GNE: variants seen among roughly 807,000 people sequenced by gnomAD.
The protein encoded by GNE is glucosamine (UDP-N-acetyl)-2-epimerase/N-acetylmannosamine kinase, also known as bifunctional UDP-N-acetylglucosamine 2-epimerase/N-acetylmannosamine kinase.
In GNE, 41 loss-of-function variants were observed where a neutral mutation model predicts 61.8. The ratio of observed to expected loss-of-function variants is 0.66; its 90% CI spans 0.52 to 0.86. The LOEUF (loss-of-function observed/expected upper bound fraction) is 0.86. Ranked by LOEUF, GNE falls within the 40% of genes least tolerant of loss-of-function variation. The probability of loss-of-function intolerance (pLI) is 0.00; values close to 1 mark genes in which losing one functional copy is unlikely to be tolerated. For synonymous variants in GNE, 264 were observed against 326.4 expected (o/e 0.81, Z 2.06); for missense variants, 608 against 909.1 (o/e 0.67, Z 4.26).
At chr9:36,242,769 G>A (rs1472677111) in intron 3 of GNE, among the ~76,000 whole-genome samples, 2 of 121,926 alleles carry the variant, frequency 1.6e-5, no homozygotes, top group African/African-American at 3.3e-5. Context: ...ATGGAGTCTC[G>A]CTTCTTCACC....
chr9:36,260,213 C>T (rs1470184892), upstream of GNE, among the ~76,000 whole-genome samples: 1 of 150,234 alleles, frequency 6.7e-6, no homozygotes, highest in African/African-American at 2.5e-5. Flanking sequence ...CTCAGGAGTT[C>T]CAGGCAACAG....
upstream of GNE, among the ~76,000 whole-genome samples, chr9:36,262,302 A>G (rs958275579): frequency 7.9e-5 from 12 of 152,264 alleles, no homozygotes; most frequent in African/African-American, 2.9e-4. Flanking sequence ...AACACTGAGA[A>G]TTTTATATTT....
intron 1 of GNE, among the ~76,000 whole-genome samples, chr9:36,255,796 A>C (rs974414662): frequency 6.6e-6 from 1 of 152,196 alleles, no homozygotes; most frequent in Non-Finnish European, 1.5e-5. Flanking sequence ...GAGCCACCAA[A>C]AGAAAGACAG....
chr9:36,246,076 A>G lies in GNE; in HGVS notation c.571T>C (p.Ser191Pro). 6.2e-7 allele frequency: 1 copy of G among 1,614,198 alleles called. No individual in the cohort carries two copies. Among genetic ancestry groups the G allele is most frequent in the South Asian group, 1.1e-5 (1 of 91,088 alleles). The change falls in exon 3 of 12, where the codon TCA becomes CCA. Residue 191 changes from serine (S) to proline (P), a missense_variant. Transcript: ENST00000642385. ...CTCATGTAGTCTTTGTTCTTGGCTG[A>G]GAGAAGTTTGTCATAGGAAGGGCAG... ...AGCPSYDKLLSAKNKDYMSII... is the reference protein window; with the variant it reads ...AGCPSYDKLLPAKNKDYMSII...
Position 36,264,159 on chromosome 9 carries a change from G to A in GNE, c.51+12735C>T, listed in dbSNP as rs1174852834. On this transcript the variant is annotated intron_variant, in intron 1 of 11. Transcript: ENST00000396594. ...TTATTATGTTTTTTTTGGAGACAGA[G>A]TCTCACTCTGTCACCCAGGCTTGAG... is the stretch of plus-strand genomic sequence containing the variant. 2.0e-5 allele frequency among the ~76,000 whole-genome samples: 3 copies of A among 151,794 alleles called. 1 individual carries two copies. The highest frequency in any genetic ancestry group is 7.3e-5 in the African/African-American group (3 of 41,310).
upstream of GNE, among the ~76,000 whole-genome samples, chr9:36,261,922 CAA>C (rs34856029): frequency 0.046 from 6,009 of 129,894 alleles, 365 homozygotes; most frequent in African/African-American, 0.15. Context: ...GACTCAATCT[CAA>C]AAAAAAAAAA....
At chr9:36,243,852 C>T (rs1209547319) in intron 3 of GNE, among the ~76,000 whole-genome samples, 2 of 151,742 alleles carry the variant, frequency 1.3e-5, no homozygotes, top group African/African-American at 4.8e-5. Flanking sequence ...CAGGAAAGCC[C>T]AATTCCTTTC....
At position 36,229,048 on chromosome 9, in the gene GNE, TGCA is replaced by T; in HGVS notation, c.1040_1042del (p.Leu347del). 3.7e-6 allele frequency: 6 copies of T among 1,609,148 alleles called. No individual in the cohort carries two copies. Among genetic ancestry groups the T allele is most frequent in the Non-Finnish European group, 5.1e-6 (6 of 1,175,542 alleles). On this transcript the variant is annotated inframe_deletion, in exon 6 of 12. Transcript: ENST00000642385. Reference sequence around the variant, plus strand: ...AGGGTACTGTTTACCAAACTGAAGGTGCAGTGCTTGCAATATTTTGTCTTGGGT... The same window carrying T: ...AGGGTACTGTTTACCAAACTGAAGGTGTGCTTGCAATATTTTGTCTTGGGT...
At chr9:36,272,074 C>T (rs937355891) in intron 1 of GNE, among the ~76,000 whole-genome samples, 1 of 152,166 alleles carries the variant, frequency 6.6e-6, no homozygotes, top group African/African-American at 2.4e-5. Context: ...TAACACAACA[C>T]TCTTGCTCAA....
chr9:36,225,591 C>G (rs754942370), intron 7 of GNE, among the ~76,000 whole-genome samples: 1 of 152,068 alleles, frequency 6.6e-6, no homozygotes, highest in African/African-American at 2.4e-5. Context: ...GCCGAGATCA[C>G]GCCACTGCAC....
At chr9:36,268,817 C>T (rs1830905410) in intron 1 of GNE, among the ~76,000 whole-genome samples, 1 of 152,076 alleles carries the variant, frequency 6.6e-6, no homozygotes, top group Non-Finnish European at 1.5e-5. Context: ...GGTACTGGTC[C>T]AGAACTCCTG....
At chr9:36,266,514 C>T (rs1367435067) in intron 1 of GNE, among the ~76,000 whole-genome samples, 2 of 152,218 alleles carry the variant, frequency 1.3e-5, no homozygotes, top group Admixed American at 6.5e-5. Flanking sequence ...TGGCTCATGC[C>T]TGTAATCCCA....
Position 36,246,072 on chromosome 9 carries a change from G to A in GNE, c.575C>T (p.Ala192Val), listed in dbSNP as rs1829859533. The change falls in exon 3 of 12, where the codon GCC (alanine) becomes GTC (valine). Residue 192 changes from alanine (A) to valine (V), a missense_variant. Transcript: ENST00000642385. ...GCPSYDKLLS[A>V]KNKDYMSIIR... ...GATGCTCATGTAGTCTTTGTTCTTG[G>A]CTGAGAGAAGTTTGTCATAGGAAGG... is the stretch of plus-strand genomic sequence containing the variant. 6.2e-7 allele frequency: 1 copy of A among 1,614,140 alleles called. No individual in the cohort carries two copies. Among genetic ancestry groups the A allele is most frequent in the Non-Finnish European group, 8.5e-7 (1 of 1,180,026 alleles).
intron 1 of GNE, among the ~76,000 whole-genome samples, chr9:36,275,357 T>C (rs1031498248): frequency 6.6e-6 from 1 of 152,142 alleles, no homozygotes; most frequent in Non-Finnish European, 1.5e-5. Context: ...GAGAACATGA[T>C]GTGATTGAAG....
chr9:36,249,697 T>G (rs1830039981), intron 1 of GNE, among the ~76,000 whole-genome samples: 1 of 151,492 alleles, frequency 6.6e-6, no homozygotes, highest in African/African-American at 2.4e-5. Flanking sequence ...GCTAACGTGG[T>G]GAAACCCCGT....
chr9:36,257,894 G>A lies in GNE; in HGVS notation c.-43+427C>T, dbSNP rs1587365857. On this transcript the variant is annotated intron_variant, in intron 1 of 11. Transcript: ENST00000642385. ...AAATATACAAGGAAGCCCAGACTCAGAATGTAGACTCAGAGCAGGGAGGGG... is the reference window on the plus strand; with the variant it reads ...AAATATACAAGGAAGCCCAGACTCAAAATGTAGACTCAGAGCAGGGAGGGG... Among the ~76,000 whole-genome samples, 6 of 146,890 alleles carry A rather than the reference G, an allele frequency of 4.1e-5. No individual in the cohort carries two copies. In the South Asian group the frequency reaches 1.3e-3, roughly 32 times the overall value.
rs958344546 is a variant in GNE, at chr9:36,215,387, T to C, written c.*1978A>G. 4 of 152,214 alleles carry C rather than the reference T, an allele frequency of 2.6e-5. No homozygotes were observed. Among genetic ancestry groups the C allele is most frequent in the Admixed American group, 1.3e-4 (2 of 15,286 alleles). The allele number at this position is 152,214 out of a possible 1,614,324, so 9.4% of individuals were successfully genotyped here. A position where few individuals can be genotyped will look rare whatever the true frequency, so the allele number is the denominator to read the frequency against. On this transcript the variant is annotated 3_prime_UTR_variant, in exon 12 of 12. Coordinates refer to ENST00000642385, the MANE Select transcript of GNE (RefSeq NM_005476.7). ...TTCACAGCAGAGAGGAATATTTCAT[T>C]AAATTCAGCTGATAGGGTCAAGGAT...
chr9:36,246,545 A>C (rs1235401106), intron 2 of GNE, 63 bp from the exon 3 acceptor site: 1 of 1,146,996 alleles, frequency 8.7e-7, no homozygotes, highest in Non-Finnish European at 1.3e-6. Context: ...GTAACATGCA[A>C]GAAAAGCAAT....
intron 10 of GNE, 128 bp downstream of exon 10, chr9:36,219,710 C>T: frequency 2.4e-6 from 2 of 841,316 alleles, no homozygotes; most frequent in Non-Finnish European, 3.9e-6. Context: ...CGAGGGAGCC[C>T]TGCTCTTTCC....
Sources: allele counts gnomAD v4.1 joint callset (sites outside exome capture counted in the v4.1 genomes callset), GRCh38; gene constraint gnomAD v4.1.1; transcripts MANE v1.5; gene names NCBI Gene and HGNC (gene_info 2026-07-23, HGNC 2026-07-21).